LRRTM3: variants seen among roughly 807,000 people sequenced by gnomAD.
The protein encoded by LRRTM3 is leucine-rich repeat transmembrane neuronal protein 3.
In LRRTM3, 24 loss-of-function variants were observed where a neutral mutation model predicts 44.7. The ratio of observed to expected loss-of-function variants is 0.54; its 90% CI spans 0.39 to 0.76. The LOEUF (loss-of-function observed/expected upper bound fraction) is 0.76, where lower values mean the gene tolerates loss of function less well. Ranked by LOEUF, LRRTM3 falls within the 30% of genes least tolerant of loss-of-function variation. The probability of loss-of-function intolerance (pLI) is 0.00; values close to 1 mark genes in which losing one functional copy is unlikely to be tolerated. For synonymous variants in LRRTM3, 277 were observed against 278.7 expected, an observed-to-expected ratio of 0.99 and a Z score of 0.06; for missense variants, 587 against 702.2, an observed-to-expected ratio of 0.84 and a Z score of 1.85.
chr10:66,952,809 T>G (rs529084865), intron 2 of LRRTM3, among the ~76,000 whole-genome samples: 68 of 152,092 alleles, frequency 4.5e-4, no homozygotes, highest in African/African-American at 1.6e-3. Flanking sequence ...AAATTAGCCC[T>G]GCTTGTAATT....
intron 2 of LRRTM3, among the ~76,000 whole-genome samples, chr10:67,005,187 A>G (rs1428457698): frequency 6.6e-6 from 1 of 152,112 alleles, no homozygotes. Flanking sequence ...TATTTATTCC[A>G]TTTAAAGAAA....
intron 2 of LRRTM3, among the ~76,000 whole-genome samples, chr10:67,017,758 C>T (rs927450491): frequency 2.4e-4 from 36 of 151,106 alleles, no homozygotes; most frequent in Non-Finnish European, 3.7e-4. Context: ...TGTGTGCGCG[C>T]GTACAATTTT....
intron 2 of LRRTM3, among the ~76,000 whole-genome samples, chr10:66,934,040 G>C (rs1340684987): frequency 1.3e-5 from 2 of 152,060 alleles, no homozygotes; most frequent in Non-Finnish European, 2.9e-5. Flanking sequence ...TAGGGATCCT[G>C]AACACGTGAG....
chr10:66,929,443 G>T (rs552223053), intron 2 of LRRTM3, among the ~76,000 whole-genome samples: 1 of 152,276 alleles, frequency 6.6e-6, no homozygotes, highest in South Asian at 2.1e-4. Flanking sequence ...TTCAGAATTT[G>T]TCAGGCTGCC....
At chr10:67,070,519 C>A (rs542807390) in intron 2 of LRRTM3, among the ~76,000 whole-genome samples, 4 of 152,154 alleles carry the variant, frequency 2.6e-5, no homozygotes, top group African/African-American at 9.6e-5. Flanking sequence ...GAGGCCAGGG[C>A]AGGCAGATAA....
chr10:67,061,589 A>G (rs1855760737), intron 2 of LRRTM3, among the ~76,000 whole-genome samples: 1 of 152,192 alleles, frequency 6.6e-6, no homozygotes, highest in Non-Finnish European at 1.5e-5. Context: ...TAGGAAGGCT[A>G]CCTGTGAATT....
intron 2 of LRRTM3, among the ~76,000 whole-genome samples, chr10:66,961,818 C>A (rs1269845802): frequency 1.3e-5 from 2 of 152,220 alleles, no homozygotes; most frequent in Non-Finnish European, 1.5e-5. Context: ...CTGATCTTCA[C>A]CTCCACTCCC....
chr10:66,994,226 G>A (rs965671444), intron 2 of LRRTM3, among the ~76,000 whole-genome samples: 2 of 152,062 alleles, frequency 1.3e-5, no homozygotes, highest in African/African-American at 4.8e-5. Flanking sequence ...TGGTTAAAAG[G>A]AAAAGATGAA....
Position 66,927,503 on chromosome 10 carries a change from T to C in LRRTM3, c.587T>C (p.Leu196Ser). Residue 196 changes from leucine to serine, a missense_variant, in exon 2 of 3, where the codon TTA (leucine) becomes TCA (serine). Around this residue, in one of 3 missense-constraint regions of LRRTM3, gnomAD observed 222 missense variants for 323.3 expected, o/e 0.69. Coordinates refer to ENST00000361320, the MANE Select transcript of LRRTM3 (RefSeq NM_178011.5). The surrounding 1 kb of genome is among the most constrained non-coding windows in gnomAD (Gnocchi z 4.7). ...LDLGYNRIRSLARNVFAGMIR... is the reference protein window; with the variant it reads ...LDLGYNRIRSSARNVFAGMIR... ...CTGGGATATAACCGGATCCGAAGTT[T>C]AGCCAGGAATGTCTTTGCTGGCATG... 6.2e-7 allele frequency: 1 copy of C among 1,614,160 alleles called. No individual in the cohort carries two copies. Among genetic ancestry groups the C allele is most frequent in the Non-Finnish European group, 8.5e-7 (1 of 1,180,038 alleles).
chr10:66,968,612 A>G (rs529587506), intron 2 of LRRTM3, among the ~76,000 whole-genome samples: 1 of 152,244 alleles, frequency 6.6e-6, no homozygotes, highest in African/African-American at 2.4e-5. Context: ...CTAACAGAGA[A>G]AAGACACTCA....
intron 2 of LRRTM3, among the ~76,000 whole-genome samples, chr10:66,953,123 C>T (rs955554229): frequency 6.6e-6 from 1 of 152,112 alleles, no homozygotes; most frequent in Non-Finnish European, 1.5e-5. Flanking sequence ...GGTCTGACCT[C>T]GGTTATCTTA....
intron 2 of LRRTM3, among the ~76,000 whole-genome samples, chr10:66,945,359 T>C (rs1848223305): frequency 6.6e-6 from 1 of 152,220 alleles, no homozygotes; most frequent in Non-Finnish European, 1.5e-5. Context: ...GGCTTCTTTC[T>C]GTAAACCTCA....
chr10:66,926,811 G>A, intron 1 of LRRTM3, 110 bp from the exon 2 acceptor site: 1 of 1,028,848 alleles, frequency 9.7e-7, no homozygotes, highest in East Asian at 2.6e-5. Flanking sequence ...GATGTTAAGT[G>A]TTATTTAGAT....
chr10:66,974,567 T>C (rs1849920002), intron 2 of LRRTM3, among the ~76,000 whole-genome samples: 1 of 152,236 alleles, frequency 6.6e-6, no homozygotes, highest in Non-Finnish European at 1.5e-5. Context: ...GCTTACCTTT[T>C]TAAAGAATCT....
chr10:66,933,450 C>T (rs1317698366), intron 2 of LRRTM3, among the ~76,000 whole-genome samples: 2 of 152,190 alleles, frequency 1.3e-5, no homozygotes, highest in African/African-American at 4.8e-5. Flanking sequence ...TGTCCACTCC[C>T]TTTCTAGTAT....
At chr10:67,071,911 C>T (rs921265731) in intron 2 of LRRTM3, among the ~76,000 whole-genome samples, 1 of 152,040 alleles carries the variant, frequency 6.6e-6, no homozygotes, top group Non-Finnish European at 1.5e-5. Context: ...AGAGGTAGGA[C>T]TTTGTTTTGT....
chr10:66,930,536 A>G (rs1446941515), intron 2 of LRRTM3, among the ~76,000 whole-genome samples: 4 of 152,074 alleles, frequency 2.6e-5, no homozygotes, highest in African/African-American at 9.7e-5. Flanking sequence ...AAAGTGAAGA[A>G]CCCCATTTCT....
At chr10:67,020,160 T>A (rs1852913703) in intron 2 of LRRTM3, among the ~76,000 whole-genome samples, 2 of 152,194 alleles carry the variant, frequency 1.3e-5, no homozygotes, top group South Asian at 4.1e-4. Flanking sequence ...GTATTTTTTA[T>A]AATCATAGCT....
At chr10:67,050,850 T>C (rs1038526972) in intron 2 of LRRTM3, among the ~76,000 whole-genome samples, 15 of 152,232 alleles carry the variant, frequency 9.9e-5, no homozygotes, top group African/African-American at 3.6e-4. Context: ...TCTTAAAATA[T>C]TTATGCAAAG....
Sources: gnomAD v4.1 joint callset for allele counts (sites outside exome capture counted in the v4.1 genomes callset) on GRCh38, gnomAD v4.1.1 for gene constraint, gnomAD v4.1.1 regional missense constraint, Gnocchi (gnomAD v3.1) non-coding constraint, MANE v1.5 for transcripts, NCBI Gene and HGNC (gene_info 2026-07-23, HGNC 2026-07-21) for gene names.